TNFRSF14: variants seen among roughly 807,000 people sequenced by gnomAD.
TNFRSF14 encodes TNF receptor superfamily member 14, also known as tumor necrosis factor receptor superfamily member 14.
In TNFRSF14, 18 loss-of-function variants were observed where a neutral mutation model predicts 34.1. The observed-to-expected ratio is 0.53, with a 90% confidence interval of 0.36 to 0.78. The LOEUF is 0.78. TNFRSF14 is among the 30% of genes least tolerant of loss of function. The pLI, the probability that TNFRSF14 is intolerant of heterozygous loss-of-function variation, is 0.00. For missense variants in TNFRSF14, 352 were observed against 379.5 expected, an observed-to-expected ratio of 0.93 and a Z score of 0.60; for synonymous variants, 157 against 153.2, an observed-to-expected ratio of 1.02 and a Z score of -0.18.
intron 2 of TNFRSF14, 106 bp from the exon 3 acceptor site, chr1:2,558,236 CT>C: frequency 6.7e-7 from 1 of 1,483,640 alleles, no homozygotes; most frequent in East Asian, 2.4e-5. Flanking sequence ...TTTGAGTCCC[CT>C]TAGCTGGTGT....
rs1644338816 is a variant in TNFRSF14 at position 2,563,315 on chromosome 1, A to C, written c.*42A>C. The stretch of plus-strand genomic sequence containing the variant: ...CCCGACGCCAGAGATACCTGGAGCG[A>C]CGGCTGCTGAAAGAGGCTGTCCACC... On this transcript the variant is annotated 3_prime_UTR_variant, in exon 8 of 8. Transcript: ENST00000355716. 1 of 1,604,524 alleles carries C rather than the reference A, an allele frequency of 6.2e-7. No individual in the cohort carries two copies. Among genetic ancestry groups the C allele is most frequent in the Non-Finnish European group, 8.5e-7 (1 of 1,173,402 alleles).
intron 3 of TNFRSF14, 49 bp from the exon 4 acceptor site, chr1:2,559,774 G>C: frequency 6.4e-7 from 1 of 1,569,926 alleles, no homozygotes; most frequent in Non-Finnish European, 8.6e-7. Context: ...CCCGTGGATG[G>C]TGTCCCGGCC....
At position 2,561,550 on chromosome 1, in the gene TNFRSF14, C is replaced by G; in HGVS notation, c.552-123C>G. On this transcript the variant is annotated intron_variant, in intron 5 of 7. Transcript: ENST00000355716. This position sits in a 1 kb window ranked among gnomAD's most constrained non-coding sequence, Gnocchi z 6.0. ...GGTCTCATCCTGGAGCTGCCACCAGCCCAGCCTCCCTGGGACCTGTCTTCA... is the reference window on the plus strand; with the variant it reads ...GGTCTCATCCTGGAGCTGCCACCAGGCCAGCCTCCCTGGGACCTGTCTTCA... The G allele has an allele frequency of 6.4e-7, 1 of 1,571,872 alleles. No individual in the cohort carries two copies. Among genetic ancestry groups the G allele is most frequent in the Non-Finnish European group, 8.6e-7 (1 of 1,158,592 alleles).
chr1:2,557,267 A>G (rs969951980), intron 1 of TNFRSF14, among the ~76,000 whole-genome samples: 8 of 152,220 alleles, frequency 5.3e-5, no homozygotes, highest in African/African-American at 1.9e-4. Flanking sequence ...AGGCCACGGC[A>G]GAGCCACCCT....
chr1:2,558,218 A>C, intron 2 of TNFRSF14, 125 bp from the exon 3 acceptor site: 1 of 1,396,122 alleles, frequency 7.2e-7, no homozygotes, highest in Non-Finnish European at 9.5e-7. Context: ...CGTGGGGCTC[A>C]TGGGCCATTT....
At chr1:2,558,745 G>A (rs1450742326) in intron 3 of TNFRSF14, 6 of 1,188,838 alleles carry the variant, frequency 5.0e-6, no homozygotes, top group Non-Finnish European at 5.6e-6. Context: ...CTCCTCTGGT[G>A]CCCGGGGTGG....
rs1320306843 is a variant in TNFRSF14, at chr1:2,560,621, C to T, written c.461-3C>T. On this transcript the variant is annotated splice_polypyrimidine_tract_variant and splice_region_variant and intron_variant, in intron 4 of 7. Coordinates refer to ENST00000355716, the MANE Select transcript of TNFRSF14 (RefSeq NM_003820.4). ...CCCCCTCTGTCCGTCCCTCTCTTCTCAGGCACCGAGAGTCAGGACACCCTG... is the reference window on the plus strand; with the variant it reads ...CCCCCTCTGTCCGTCCCTCTCTTCTTAGGCACCGAGAGTCAGGACACCCTG... 16 of 1,612,414 alleles carry T rather than the reference C, an allele frequency of 9.9e-6. No homozygotes were observed. Among genetic ancestry groups the T allele is most frequent in the Non-Finnish European group, 1.4e-5 (16 of 1,179,426 alleles).
chr1:2,559,476 T>A, intron 3 of TNFRSF14: 1 of 1,438,586 alleles, frequency 7.0e-7, no homozygotes, highest in Non-Finnish European at 9.2e-7. Context: ...GGTGTCTGGG[T>A]GGGCACGTGG....
At chr1:2,554,477 G>A (rs1420555579), upstream of TNFRSF14, among the ~76,000 whole-genome samples, 1 of 152,200 alleles carries the variant, frequency 6.6e-6, no homozygotes, top group Non-Finnish European at 1.5e-5. The surrounding 1 kb of genome is among the most constrained non-coding windows in gnomAD (Gnocchi z 4.2). Flanking sequence ...GAGGCGGGCG[G>A]ATACGGGGAG....
At chr1:2,559,238 T>G in intron 3 of TNFRSF14, 2 of 1,369,832 alleles carry the variant, frequency 1.5e-6, no homozygotes, top group Non-Finnish European at 1.9e-6. Flanking sequence ...GGCTCACACC[T>G]CAACCTGCAT....
Position 2,561,921 on chromosome 1 carries a change from C to T in TNFRSF14, c.694+106C>T, listed in dbSNP as rs2234166. The T allele has an allele frequency of 1.6e-3, 2,095 of 1,281,978 alleles. 24 individuals are homozygous for T. In the African/African-American group the frequency reaches 0.024, roughly 14 times the overall value. 79.4% of individuals were successfully genotyped at this position (1,281,978 alleles called of 1,614,324 possible). On this transcript the variant is annotated intron_variant, in intron 6 of 7. Transcript: ENST00000355716. The surrounding 1 kb of genome is among the most constrained non-coding windows in gnomAD (Gnocchi z 6.0). ...GGCCCCAGAGCTTTTCCAGGATCCG[C>T]GGCTCCTCCCAGGGCAGCCACTGCA...
Position 2,561,717 on chromosome 1 carries a change from C to T in TNFRSF14, c.596C>T (p.Ser199Phe), listed in dbSNP as rs142177519. ...VTKAGAGTSS[S>F]HWVWWFLSGS... ...AAGGCCGGAGCTGGGACCAGCAGCTCCCACTGGGTATGGTGGTTTCTCTCA... is the reference window on the plus strand; with the variant it reads ...AAGGCCGGAGCTGGGACCAGCAGCTTCCACTGGGTATGGTGGTTTCTCTCA... Residue 199 changes from serine to phenylalanine, a missense_variant, in exon 6 of 8, where the codon TCC (serine) becomes TTC (phenylalanine). By Grantham distance (155) the Ser-to-Phe change is radical. Coordinates refer to ENST00000355716, the MANE Select transcript of TNFRSF14 (RefSeq NM_003820.4). The surrounding 1 kb of genome is among the most constrained non-coding windows in gnomAD (Gnocchi z 6.0). The T allele has an allele frequency of 1.1e-5, 18 of 1,613,516 alleles. No individual in the cohort carries two copies. Among genetic ancestry groups the T allele is most frequent in the Non-Finnish European group, 1.5e-5 (18 of 1,179,990 alleles).
intron 3 of TNFRSF14, chr1:2,559,251 C>T (rs751830398): frequency 7.4e-5 from 101 of 1,369,324 alleles, no homozygotes; most frequent in Non-Finnish European, 9.2e-5. Flanking sequence ...ACCTGCATGC[C>T]CAGTTCCATG....
At position 2,557,829 on chromosome 1, in the gene TNFRSF14, G is replaced by A; in HGVS notation, c.173G>A (p.Ser58Asn). ...PVGSECCPKC[S>N]PGYRVKEACG... is the part of the protein sequence containing the mutation. ...GGCTCCGAGTGCTGCCCCAAGTGCA[G>A]TCCAGGTAGGTGCAGCCCTTTGGCG... is the stretch of plus-strand genomic sequence containing the variant. The change falls in exon 2 of 8, where the codon AGT becomes AAT. Residue 58 changes from serine to asparagine, a missense_variant. Ser to Asn is a conservative substitution (Grantham distance 46). Transcript: ENST00000355716. The A allele has an allele frequency of 6.2e-7, 1 of 1,606,272 alleles. No individual in the cohort carries two copies. The highest frequency in any genetic ancestry group is 8.5e-7 in the Non-Finnish European group (1 of 1,175,614).
chr1:2,554,677 G>C (rs893487159), upstream of TNFRSF14: 1 of 152,372 alleles, frequency 6.6e-6, no homozygotes, highest in Non-Finnish European at 1.5e-5. The surrounding 1 kb of genome is among the most constrained non-coding windows in gnomAD (Gnocchi z 4.2). Context: ...AGTCGGGGTA[G>C]GAGGGGCATG....
At position 2,563,260 on chromosome 1, in the gene TNFRSF14, G is replaced by T; in HGVS notation, c.839G>T (p.Ser280Ile). The T allele has an allele frequency of 6.2e-7, 1 of 1,613,478 alleles. No homozygotes were observed. The highest frequency in any genetic ancestry group is 8.5e-7 in the Non-Finnish European group (1 of 1,179,986). Reference sequence around the variant, plus strand: ...ACAATACCCTCATTCACGGGGAGGAGCCCAAACCACTGACCCACAGACTCT... The same window carrying T: ...ACAATACCCTCATTCACGGGGAGGATCCCAAACCACTGACCCACAGACTCT... Reference protein sequence around the residue: ...EETIPSFTGRSPNH With the variant: ...EETIPSFTGRIPNH The change falls in exon 8 of 8, where the codon AGC (serine) becomes ATC (isoleucine). Residue 280 changes from serine (S) to isoleucine (I), a missense_variant. Ser to Ile is a moderately radical substitution (Grantham distance 142). Transcript: ENST00000355716.
rs753699585 is a variant in TNFRSF14 at position 2,563,130 on chromosome 1, C to T, written c.727-18C>T. 2.7e-5 allele frequency: 44 copies of T among 1,612,740 alleles called. No individual in the cohort carries two copies. The South Asian group carries it at 3.2e-4, about 12-fold the overall frequency. On this transcript the variant is annotated intron_variant, in intron 7 of 7. Transcript: ENST00000355716. The stretch of plus-strand genomic sequence containing the variant: ...GGGGCCTGAGCAGGCAGGGTCTCCA[C>T]GATTCGTGTGCTCACAGCGGAAAAG...
At chr1:2,558,235 C>A (rs532643072) in intron 2 of TNFRSF14, 108 bp from the exon 3 acceptor site, 3 of 1,479,696 alleles carry the variant, frequency 2.0e-6, no homozygotes, top group South Asian at 2.7e-5. Flanking sequence ...ATTTGAGTCC[C>A]CTTAGCTGGT....
At position 2,561,026 on chromosome 1, in the gene TNFRSF14, G is replaced by C; in HGVS notation, c.551+312G>C. On this transcript the variant is annotated intron_variant, in intron 5 of 7. Coordinates refer to ENST00000355716, the MANE Select transcript of TNFRSF14 (RefSeq NM_003820.4). The surrounding 1 kb of genome is among the most constrained non-coding windows in gnomAD (Gnocchi z 6.0). ...GTCCCCTGGGGCTGTGGGTGTCCCT[G>C]AATGTCAGGGCCATGGGAGGGCCCC... The C allele has an allele frequency of 2.4e-6, 1 of 413,220 alleles. No individual in the cohort carries two copies. Among genetic ancestry groups the C allele is most frequent in the Non-Finnish European group, 4.3e-6 (1 of 231,018 alleles). 25.6% of individuals were successfully genotyped at this position (413,220 alleles called of 1,614,324 possible). A position where few individuals can be genotyped will look rare whatever the true frequency, so the allele number is the denominator to read the frequency against.
Sources: gnomAD v4.1 joint callset for allele counts (sites outside exome capture counted in the v4.1 genomes callset) on GRCh38, gnomAD v4.1.1 for gene constraint, Gnocchi (gnomAD v3.1) non-coding constraint, MANE v1.5 for transcripts, NCBI Gene and HGNC (gene_info 2026-07-23, HGNC 2026-07-21) for gene names.